CHODL: variants seen among roughly 807,000 people sequenced by gnomAD.
CHODL encodes the protein chondrolectin, also known as transmembrane protein MT75.
CHODL carries 29 observed loss-of-function variants against 34.5 expected under a neutral mutation model. That is an observed-to-expected ratio of 0.84 (90% CI 0.63 to 1.15). The LOEUF is 1.15. Among genes scored for constraint, CHODL ranks in the 50% most tolerant of loss-of-function variants. The probability of loss-of-function intolerance (pLI) is 0.00; values close to 1 mark genes in which losing one functional copy is unlikely to be tolerated. For missense variants in CHODL, 332 were observed against 332.5 expected, an observed-to-expected ratio of 1.00 and a Z score of 0.01; for synonymous variants, 125 against 116.1, an observed-to-expected ratio of 1.08 and a Z score of -0.49.
intron 2 of CHODL, among the ~76,000 whole-genome samples, chr21:18,165,204 A>G (rs1746770620): frequency 6.6e-6 from 1 of 152,242 alleles, no homozygotes; most frequent in Admixed American, 6.5e-5. Flanking sequence ...AGTCTACTCT[A>G]GTTGAGAACT....
intron 2 of CHODL, among the ~76,000 whole-genome samples, chr21:18,190,113 T>TTTATGTATTTATTATGTATTTA (rs1173987156): frequency 6.6e-6 from 1 of 152,210 alleles, no homozygotes; most frequent in African/African-American, 2.4e-5. Flanking sequence ...ATTTTTCTCA[T>TTTATGTATTTATTATGTATTTA]TTATGTATTT....
intron 2 of CHODL, among the ~76,000 whole-genome samples, chr21:18,148,185 T>C (rs2072920101): frequency 6.6e-6 from 1 of 152,208 alleles, no homozygotes; most frequent in African/African-American, 2.4e-5. Context: ...GTACCACCTT[T>C]ATTTTTGGTA....
intron 1 of CHODL, among the ~76,000 whole-genome samples, chr21:18,020,680 G>C (rs900525103): frequency 4.6e-5 from 7 of 152,128 alleles, no homozygotes; most frequent in Non-Finnish European, 1.0e-4. Flanking sequence ...CTGAATGTTT[G>C]GGTCTCTACA....
intron 2 of CHODL, among the ~76,000 whole-genome samples, chr21:18,207,229 G>T (rs1172679059): frequency 6.6e-6 from 1 of 151,978 alleles, no homozygotes; most frequent in African/African-American, 2.4e-5. Flanking sequence ...CTTTTTTATG[G>T]CTGCATAGTA....
chr21:18,082,058 G>A (rs1449455771), intron 2 of CHODL, among the ~76,000 whole-genome samples: 1 of 152,192 alleles, frequency 6.6e-6, no homozygotes, highest in Non-Finnish European at 1.5e-5. Flanking sequence ...AATCTCATCT[G>A]AATTTGTAAT....
In CHODL at chr21:18,128,036, C is replaced by T. The variant is rs915387121; in HGVS notation, c.-45+100065C>T. Among the ~76,000 whole-genome samples, 18 of 151,788 alleles carry T rather than the reference C, an allele frequency of 1.2e-4. 1 individual carries two copies. Among genetic ancestry groups the T allele is most frequent in the Non-Finnish European group, 2.1e-4 (14 of 67,944 alleles). On this transcript the variant is annotated intron_variant, in intron 2 of 6. Transcript: ENST00000400127. ...TCTAAACAGGCAGGGCGTATTGGCT[C>T]ATGCTTGTAATCCCAGCATTTTGGG...
intron 1 of CHODL, among the ~76,000 whole-genome samples, chr21:18,249,637 A>C (rs913398917): frequency 1.3e-5 from 2 of 152,112 alleles, no homozygotes; most frequent in Non-Finnish European, 2.9e-5. Flanking sequence ...TGTTCATGAA[A>C]TATTTCACCT....
At chr21:18,060,267 C>A (rs1027155499) in intron 2 of CHODL, among the ~76,000 whole-genome samples, 7 of 151,950 alleles carry the variant, frequency 4.6e-5, no homozygotes, top group Non-Finnish European at 8.8e-5. Context: ...CCAGCCTGGG[C>A]AACATGGCAA....
At chr21:17,920,140 C>T (rs2063172492) in intron 1 of CHODL, among the ~76,000 whole-genome samples, 1 of 152,242 alleles carries the variant, frequency 6.6e-6, no homozygotes, top group Admixed American at 6.5e-5. Flanking sequence ...CTGTTCCAAC[C>T]TCTGTCTGTT....
At chr21:18,220,107 A>T (rs1029265218) in intron 2 of CHODL, among the ~76,000 whole-genome samples, 1 of 152,102 alleles carries the variant, frequency 6.6e-6, no homozygotes, top group African/African-American at 2.4e-5. Flanking sequence ...TGATTTTTGT[A>T]TATGATAGTC....
At chr21:18,259,670 G>A (rs901570303) in intron 3 of CHODL, among the ~76,000 whole-genome samples, 3 of 152,172 alleles carry the variant, frequency 2.0e-5, no homozygotes, top group African/African-American at 7.2e-5. Context: ...TCTAAGGATG[G>A]CATTGTATAT....
intron 2 of CHODL, among the ~76,000 whole-genome samples, chr21:18,063,512 G>A (rs2064694051): frequency 6.6e-6 from 1 of 152,180 alleles, no homozygotes; most frequent in Non-Finnish European, 1.5e-5. Context: ...AATCGGTCAT[G>A]TGCCCTTGGG....
intron 2 of CHODL, among the ~76,000 whole-genome samples, chr21:18,174,995 CTTT>C (rs2073288509): frequency 6.6e-6 from 1 of 152,140 alleles, no homozygotes; most frequent in East Asian, 1.9e-4. Flanking sequence ...CCCCTTGTTT[CTTT>C]ATTTGTGAAA....
At chr21:17,985,425 G>A (rs2063745872) in intron 1 of CHODL, among the ~76,000 whole-genome samples, 1 of 152,174 alleles carries the variant, frequency 6.6e-6, no homozygotes, top group African/African-American at 2.4e-5. Context: ...GCAATTAGTA[G>A]TGAATCTGGT....
chr21:18,149,314 G>A lies in CHODL; in HGVS notation c.-44-107195G>A, dbSNP rs532491759. 3.3e-5 allele frequency among the ~76,000 whole-genome samples: 5 copies of A among 152,238 alleles called. No homozygotes were observed. In the East Asian group the frequency reaches 7.7e-4, roughly 24 times the overall value. The stretch of plus-strand genomic sequence containing the variant: ...ACACACACACTCCTGATGCCTAATC[G>A]CTGTTTCTCCATGAGATGAAAGCGA... On this transcript the variant is annotated intron_variant, in intron 2 of 6. Coordinates refer to the CHODL transcript ENST00000400127.
chr21:18,000,676 C>A (rs1225804730), intron 1 of CHODL, among the ~76,000 whole-genome samples: 2 of 152,110 alleles, frequency 1.3e-5, no homozygotes, highest in Non-Finnish European at 2.9e-5. Flanking sequence ...AAAAGGCTTA[C>A]CTGATTTTCC....
chr21:18,127,669 A>ATTTTTT (rs1285324385), intron 2 of CHODL, among the ~76,000 whole-genome samples: 4 of 76,672 alleles, frequency 5.2e-5, no homozygotes, highest in African/African-American at 1.1e-4. Context: ...TTGCGTTGCC[A>ATTTTTT]TTGTTTTTTT....
chr21:18,148,426 TAA>T (rs2072924343), intron 2 of CHODL, among the ~76,000 whole-genome samples: 1 of 150,130 alleles, frequency 6.7e-6, no homozygotes, highest in African/African-American at 2.5e-5. Context: ...ATGATTTTTT[TAA>T]GATTGAAGAG....
intron 1 of CHODL, among the ~76,000 whole-genome samples, chr21:17,940,226 A>G (rs1403389493): frequency 6.6e-6 from 1 of 152,174 alleles, no homozygotes; most frequent in Non-Finnish European, 1.5e-5. Flanking sequence ...ATCTATATTC[A>G]CCAAAAGATA....
Sources: allele counts gnomAD v4.1 joint callset (sites outside exome capture counted in the v4.1 genomes callset), GRCh38; gene constraint gnomAD v4.1.1; transcripts MANE v1.5; gene names NCBI Gene and HGNC (gene_info 2026-07-23, HGNC 2026-07-21).